The following IQCM variants were observed in gnomAD, a reference collection of about 807,000 sequenced individuals.
IQCM encodes IQ motif containing M, also known as IQ domain-containing protein M.
IQCM carries 45 observed loss-of-function variants against 57.6 expected under a neutral mutation model. The observed-to-expected ratio is 0.78, with a 90% CI of 0.62 to 1.00. IQCM has a LOEUF of 1.00. Among genes scored for constraint, IQCM ranks in the 50% least tolerant of loss-of-function variants. The probability of loss-of-function intolerance (pLI) is 0.00; values close to 1 mark genes in which losing one functional copy is unlikely to be tolerated. For missense variants in IQCM, 468 were observed against 511.6 expected (o/e 0.91, Z 0.82); for synonymous variants, 148 against 158.9 (o/e 0.93, Z 0.51).
At chr4:149,720,958 A>G (rs1561197683) in intron 5 of IQCM, among the ~76,000 whole-genome samples, 1 of 152,124 alleles carries the variant, frequency 6.6e-6, no homozygotes, top group African/African-American at 2.4e-5. Context: ...CACTTTTTTT[A>G]TAAATTGTTA....
intron 10 of IQCM, among the ~76,000 whole-genome samples, chr4:149,556,383 A>C (rs17026309): frequency 0.023 from 3,520 of 150,700 alleles, 120 homozygotes; most frequent in African/African-American, 0.08. Context: ...AATTTCTGTT[A>C]GTGTGTTTCT....
At chr4:149,476,600 T>C (rs971214922) in intron 12 of IQCM, among the ~76,000 whole-genome samples, 1 of 152,094 alleles carries the variant, frequency 6.6e-6, no homozygotes, top group Non-Finnish European at 1.5e-5. Context: ...ATACATTCTT[T>C]GTAAACTGGA....
At chr4:149,561,325 T>A (rs1750102603) in intron 10 of IQCM, among the ~76,000 whole-genome samples, 2 of 152,318 alleles carry the variant, frequency 1.3e-5, no homozygotes, top group South Asian at 4.1e-4. Context: ...AGGTTATGAA[T>A]GATTCTACAA....
intron 13 of IQCM, among the ~76,000 whole-genome samples, chr4:149,399,136 T>C (rs1445049973): frequency 1.3e-5 from 2 of 152,098 alleles, no homozygotes; most frequent in African/African-American, 2.4e-5. Flanking sequence ...TTCATACTTA[T>C]GAATAGAGTA....
At position 149,505,066 on chromosome 4, in the gene IQCM, T is replaced by A. The variant is rs189394668; in HGVS notation, c.1228+43389A>T. ...ATTCTGTTGATCATAAGCCACCCTG[T>A]CTATAGTGTTCTGTTATAGTAGTCC... On this transcript the variant is annotated intron_variant, in intron 12 of 13. Transcript: ENST00000636793. Among the ~76,000 whole-genome samples, 86 of 152,236 alleles carry A rather than the reference T, an allele frequency of 5.6e-4. 1 individual carries two copies. Among genetic ancestry groups the A allele is most frequent in the Admixed American group, 4.6e-3 (71 of 15,288 alleles).
intron 12 of IQCM, among the ~76,000 whole-genome samples, chr4:149,439,161 A>T (rs992073203): frequency 6.6e-6 from 1 of 152,000 alleles, no homozygotes. Flanking sequence ...ATCCAATCAA[A>T]ATGCCATTTT....
chr4:149,647,508 A>C (rs1758753332), intron 7 of IQCM, among the ~76,000 whole-genome samples: 1 of 152,090 alleles, frequency 6.6e-6, no homozygotes, highest in Admixed American at 6.5e-5. Context: ...TAGTAAGGTT[A>C]TTATTCCACT....
rs1560778578 is a variant in IQCM, at chr4:149,368,760, A to ATATATATACACATATATATACACG, written c.1391-16695_1391-16694insCGTGTATATATATGTGTATATATA. On this transcript the variant is annotated intron_variant, in intron 13 of 13. Coordinates refer to ENST00000636793, the MANE Select transcript of IQCM (RefSeq NM_001363507.2). ...GCACAAATTATATATATACATGTAT[A>ATATATATACACATATATATACACG]TATATATATACATATATATACATGT... 1.6e-4 allele frequency among the ~76,000 whole-genome samples: 17 copies of ATATATATACACATATATATACACG among 106,598 alleles called. 2 individuals carry two copies. The highest frequency in any genetic ancestry group is 3.1e-4 in the Non-Finnish European group (15 of 48,378). The allele number at this position is 106,598 out of a possible 152,430, so 69.9% of individuals were successfully genotyped here.
At chr4:149,708,343 A>C (rs1764311300) in intron 5 of IQCM, among the ~76,000 whole-genome samples, 1 of 152,040 alleles carries the variant, frequency 6.6e-6, no homozygotes. Flanking sequence ...CAAAGCTGAA[A>C]AGACTGTAAA....
intron 9 of IQCM, among the ~76,000 whole-genome samples, chr4:149,570,423 G>A (rs1044133190): frequency 3.3e-5 from 5 of 151,956 alleles, no homozygotes; most frequent in South Asian, 2.1e-4. Context: ...TTCTATATTG[G>A]TTAGGGATTG....
intron 2 of IQCM, among the ~76,000 whole-genome samples, chr4:149,803,167 A>T (rs1773760097): frequency 6.6e-6 from 1 of 151,956 alleles, no homozygotes; most frequent in South Asian, 2.1e-4. Flanking sequence ...ATGGAACGTC[A>T]TTAAAGCTTT....
intron 12 of IQCM, among the ~76,000 whole-genome samples, chr4:149,484,831 T>C (rs893134691): frequency 6.6e-6 from 1 of 152,092 alleles, no homozygotes; most frequent in Non-Finnish European, 1.5e-5. Context: ...AACATCCTTT[T>C]CTTTAGGATT....
At chr4:149,442,522 T>C (rs1218992730) in intron 12 of IQCM, among the ~76,000 whole-genome samples, 8 of 152,116 alleles carry the variant, frequency 5.3e-5, no homozygotes. Context: ...TCTCCTCCTA[T>C]GTAACTGCAG....
intron 5 of IQCM, among the ~76,000 whole-genome samples, chr4:149,697,762 G>A (rs997968549): frequency 6.6e-6 from 1 of 151,864 alleles, no homozygotes; most frequent in South Asian, 2.1e-4. Context: ...ATTGCATTTT[G>A]CCTATCTACT....
chr4:149,609,149 A>T (rs1169813447), intron 8 of IQCM, among the ~76,000 whole-genome samples: 1 of 151,762 alleles, frequency 6.6e-6, no homozygotes, highest in Non-Finnish European at 1.5e-5. Context: ...TATAAAATGG[A>T]TAAACTCCTA....
intron 7 of IQCM, among the ~76,000 whole-genome samples, chr4:149,670,917 G>T (rs755426376): frequency 2.6e-5 from 4 of 151,230 alleles, no homozygotes; most frequent in African/African-American, 7.2e-5. Flanking sequence ...ATGTTCATCA[G>T]GGATATTGGT....
chr4:149,422,012 G>T (rs1240065296), intron 13 of IQCM, among the ~76,000 whole-genome samples: 1 of 151,808 alleles, frequency 6.6e-6, no homozygotes, highest in Non-Finnish European at 1.5e-5. Context: ...TAATTTAACT[G>T]ACAGTCAAAC....
intron 12 of IQCM, among the ~76,000 whole-genome samples, chr4:149,548,169 T>C (rs1748647992): frequency 6.6e-6 from 1 of 152,128 alleles, no homozygotes; most frequent in Non-Finnish European, 1.5e-5. Context: ...TTATTTTATA[T>C]CCAAAAATAC....
chr4:149,713,497 G>A (rs887995867), intron 5 of IQCM, among the ~76,000 whole-genome samples: 1 of 152,200 alleles, frequency 6.6e-6, no homozygotes, highest in Middle Eastern at 3.4e-3. Flanking sequence ...TAACCCAAGT[G>A]GACATTACTG....
Sources: allele counts gnomAD v4.1 joint callset (sites outside exome capture counted in the v4.1 genomes callset), GRCh38; gene constraint gnomAD v4.1.1; transcripts MANE v1.5; gene names NCBI Gene and HGNC (gene_info 2026-07-23, HGNC 2026-07-21).